Variants in FAM110B observed in about 807,000 individuals in gnomAD.
FAM110B encodes the protein family with sequence similarity 110 member B.
FAM110B carries 6 observed loss-of-function variants against 20.4 expected under a neutral mutation model. The observed-to-expected ratio is 0.29, with a 90% CI of 0.16 to 0.58. The LOEUF (loss-of-function observed/expected upper bound fraction) is 0.58. FAM110B is among the 20% of genes least tolerant of loss of function. The pLI, the probability that FAM110B is intolerant of heterozygous loss-of-function variation, is 0.90. For synonymous variants in FAM110B, 226 were observed against 214.1 expected, an observed-to-expected ratio of 1.06 and a Z score of -0.49; for missense variants, 434 against 498.2, an observed-to-expected ratio of 0.87 and a Z score of 1.23.
intron 1 of FAM110B, among the ~76,000 whole-genome samples, chr8:58,013,492 C>G (rs1447074239): frequency 1.3e-5 from 2 of 152,160 alleles, no homozygotes; most frequent in Non-Finnish European, 2.9e-5. Flanking sequence ...TATGTGCGTT[C>G]ACCACATTGC....
chr8:57,997,512 TACTTA>T (rs1804211048), intron 1 of FAM110B, among the ~76,000 whole-genome samples: 1 of 152,210 alleles, frequency 6.6e-6, no homozygotes, highest in Non-Finnish European at 1.5e-5. Context: ...CTTTTTTTCA[TACTTA>T]ACTTTTTAGG....
At chr8:58,128,079 A>G (rs1225150902) in intron 3 of FAM110B, among the ~76,000 whole-genome samples, 3 of 152,246 alleles carry the variant, frequency 2.0e-5, no homozygotes, top group African/African-American at 7.2e-5. Context: ...ATAAAAATAT[A>G]GTTCACACCT....
chr8:58,085,921 G>A (rs1806321221), intron 3 of FAM110B, among the ~76,000 whole-genome samples: 1 of 152,218 alleles, frequency 6.6e-6, no homozygotes, highest in African/African-American at 2.4e-5. Flanking sequence ...CAATGGGAAA[G>A]TATGATTTAG....
chr8:57,998,185 T>G (rs1804222657), intron 1 of FAM110B, among the ~76,000 whole-genome samples: 1 of 152,234 alleles, frequency 6.6e-6, no homozygotes, highest in Admixed American at 6.5e-5. Flanking sequence ...AGGGGAAACC[T>G]TTTAAGATTT....
In FAM110B at chr8:58,148,493, CT is replaced by C. The variant is rs1803924482; in HGVS notation, c.*1151del. ...CTTTTCCACCCCATGGTCTCTAGTG[CT>C]GCCTATCAACTTGTCCCCTTTTTTC... On this transcript the variant is annotated 3_prime_UTR_variant, in exon 4 of 4. Coordinates refer to ENST00000519262, the MANE Select transcript of FAM110B (RefSeq NM_001377989.1). 6.0e-6 allele frequency: 1 copy of C among 167,064 alleles called. No homozygotes were observed. The highest frequency in any genetic ancestry group is 2.4e-5 in the African/African-American group (1 of 41,432). 10.3% of individuals were successfully genotyped at this position (167,064 alleles called of 1,614,324 possible).
At chr8:58,088,499 TAGA>T (rs1196487489) in intron 3 of FAM110B, among the ~76,000 whole-genome samples, 1 of 152,244 alleles carries the variant, frequency 6.6e-6, no homozygotes, top group Non-Finnish European at 1.5e-5. Flanking sequence ...GAGATTTGAG[TAGA>T]AGGATTGTAT....
intron 3 of FAM110B, among the ~76,000 whole-genome samples, chr8:58,126,924 T>C (rs1026684653): frequency 6.6e-6 from 1 of 152,238 alleles, no homozygotes; most frequent in African/African-American, 2.4e-5. Flanking sequence ...ATTTATCAGT[T>C]TTCTTTCATG....
chr8:58,072,337 A>T (rs933018494), intron 2 of FAM110B, among the ~76,000 whole-genome samples: 6 of 152,190 alleles, frequency 3.9e-5, no homozygotes, highest in African/African-American at 1.4e-4. Flanking sequence ...GCTGGGTCTT[A>T]AAGACTTTCT....
At chr8:58,006,918 TA>T (rs1387226495) in intron 1 of FAM110B, among the ~76,000 whole-genome samples, 9 of 111,582 alleles carry the variant, frequency 8.1e-5, no homozygotes, top group African/African-American at 2.7e-4. Flanking sequence ...TATATATATA[TA>T]TATATTTTTC....
At chr8:58,081,941 G>T (rs1383180674) in intron 3 of FAM110B, among the ~76,000 whole-genome samples, 1 of 152,112 alleles carries the variant, frequency 6.6e-6, no homozygotes, top group East Asian at 1.9e-4. Flanking sequence ...GTCTGTGAGG[G>T]TTTATGTGTT....
intron 2 of FAM110B, among the ~76,000 whole-genome samples, chr8:58,066,506 G>C (rs1805765474): frequency 6.6e-6 from 1 of 152,158 alleles, no homozygotes; most frequent in Admixed American, 6.5e-5. Context: ...AGGCCATCCA[G>C]GCCACAGCTG....
chr8:58,076,506 A>C (rs1392445781), intron 3 of FAM110B, among the ~76,000 whole-genome samples: 3 of 151,890 alleles, frequency 2.0e-5, no homozygotes, highest in Admixed American at 6.6e-5. Flanking sequence ...CACTCCCAGG[A>C]CTCCTTTCTG....
In FAM110B at chr8:58,053,073, C is replaced by A. The variant is rs970344752; in HGVS notation, c.-414+21370C>A. On this transcript the variant is annotated intron_variant, in intron 2 of 3. Coordinates refer to ENST00000519262, the MANE Select transcript of FAM110B (RefSeq NM_001377989.1). ...GTGCTGGGATTACAGGCGTGAGCCACCGCGCCCGGCCGAGAGTGATGGACT... is the reference window on the plus strand; with the variant it reads ...GTGCTGGGATTACAGGCGTGAGCCAACGCGCCCGGCCGAGAGTGATGGACT... 4.0e-5 allele frequency among the ~76,000 whole-genome samples: 6 copies of A among 151,556 alleles called. 1 individual carries two copies. Among genetic ancestry groups the A allele is most frequent in the Non-Finnish European group, 7.4e-5 (5 of 67,976 alleles).
intron 3 of FAM110B, among the ~76,000 whole-genome samples, chr8:58,122,337 C>T (rs1024579551): frequency 3.3e-5 from 5 of 152,022 alleles, no homozygotes; most frequent in Non-Finnish European, 5.9e-5. Context: ...TATTCCAGCC[C>T]TAGAAGTACT....
chr8:58,104,512 A>G (rs145536968), intron 3 of FAM110B, among the ~76,000 whole-genome samples: 1,940 of 152,312 alleles, frequency 0.013, 37 homozygotes, highest in African/African-American at 0.044. Flanking sequence ...GACATATGAA[A>G]TAAATTGTAA....
chr8:58,076,197 C>T (rs1806032709), intron 3 of FAM110B, among the ~76,000 whole-genome samples: 1 of 152,194 alleles, frequency 6.6e-6, no homozygotes, highest in Admixed American at 6.5e-5. Context: ...TGGCTTCAAG[C>T]AGTCCTTCCA....
chr8:58,030,361 A>C (rs1301329142), intron 1 of FAM110B, among the ~76,000 whole-genome samples: 1 of 152,196 alleles, frequency 6.6e-6, no homozygotes, highest in Non-Finnish European at 1.5e-5. Context: ...GGCTGTTTTG[A>C]AAGTTTTGAA....
At chr8:58,017,337 G>A (rs1224178515) in intron 1 of FAM110B, among the ~76,000 whole-genome samples, 1 of 152,192 alleles carries the variant, frequency 6.6e-6, no homozygotes, top group Non-Finnish European at 1.5e-5. Context: ...TGAGTAGCAG[G>A]GCTACATCTG....
At chr8:58,113,955 T>TTA (rs1297755030) in intron 3 of FAM110B, among the ~76,000 whole-genome samples, 1 of 152,204 alleles carries the variant, frequency 6.6e-6, no homozygotes, top group Non-Finnish European at 1.5e-5. Context: ...AGTCTTATGC[T>TTA]TACTTACTGT....
Sources: allele counts gnomAD v4.1 joint callset (sites outside exome capture counted in the v4.1 genomes callset), GRCh38; gene constraint gnomAD v4.1.1; transcripts MANE v1.5; gene names NCBI Gene and HGNC (gene_info 2026-07-23, HGNC 2026-07-21).